MYO18A: variants seen among roughly 807,000 people sequenced by gnomAD.
MYO18A encodes the protein unconventional myosin-XVIIIa.
Under a neutral mutation model 235.8 loss-of-function variants are expected in MYO18A, and 78 were observed. The observed-to-expected ratio is 0.33, with a 90% CI of 0.28 to 0.40. The LOEUF is 0.40. Among genes scored for constraint, MYO18A ranks in the 10% least tolerant of loss-of-function variants. The pLI, the probability that MYO18A is intolerant of heterozygous loss-of-function variation, is 1.00. For synonymous variants in MYO18A, 977 were observed against 1,077.8 expected, an observed-to-expected ratio of 0.91 and a Z score of 1.83; for missense variants, 2,215 against 2,699.3, an observed-to-expected ratio of 0.82 and a Z score of 3.98.
At chr17:29,094,467 G>C in intron 30 of MYO18A, 183 bp downstream of exon 30, 1 of 654,694 alleles carries the variant, frequency 1.5e-6, no homozygotes, top group East Asian at 2.7e-5. Flanking sequence ...AAAGTTCCAC[G>C]AGCGCGTCTT....
chr17:29,077,148 T>C (rs142569890), intron 41 of MYO18A: 1,631 of 152,360 alleles, frequency 0.011, 11 homozygotes, highest in Admixed American at 0.017. Flanking sequence ...TGCCTTGGGC[T>C]GCGGACCCAC....
intron 2 of MYO18A, chr17:29,128,690 C>T (rs550025701): frequency 2.5e-5 from 7 of 276,792 alleles, no homozygotes; most frequent in Non-Finnish European, 2.1e-5. Flanking sequence ...CACGAGGCTA[C>T]CCCAGGAAGC....
At position 29,109,888 on chromosome 17, in the gene MYO18A, G is replaced by C. The variant is rs750183175; in HGVS notation, c.3301C>G (p.Leu1101Val). Residue 1101 changes from leucine to valine, a missense_variant, in exon 19 of 42, where the codon CTG (leucine) becomes GTG (valine). Leu to Val is a conservative substitution (Grantham distance 32). Coordinates refer to ENST00000527372, the MANE Select transcript of MYO18A (RefSeq NM_078471.4). The surrounding 1 kb of genome is among the most constrained non-coding windows in gnomAD (Gnocchi z 4.1). ...CGGTACATGCGCATGGCATCGAGCAGGCGGGAGCCGCGGAGCTGGGTGCGG... is the reference window on the plus strand; with the variant it reads ...CGGTACATGCGCATGGCATCGAGCACGCGGGAGCCGCGGAGCTGGGTGCGG... ...LLRTQLRGSR[L>V]LDAMRMYRQG... is the part of the protein sequence containing the mutation. 84 of 1,569,212 alleles carry C rather than the reference G, an allele frequency of 5.4e-5. No homozygotes were observed. Among genetic ancestry groups the C allele is most frequent in the Non-Finnish European group, 7.2e-5 (83 of 1,157,306 alleles).
intron 2 of MYO18A, among the ~76,000 whole-genome samples, chr17:29,139,641 C>T (rs932469945): frequency 3.9e-5 from 6 of 152,134 alleles, no homozygotes; most frequent in South Asian, 2.1e-4. Context: ...GTCAGGGGAA[C>T]GGGAAGGACT....
At chr17:29,090,737 G>A in intron 35 of MYO18A, 73 bp downstream of exon 35, 1 of 1,535,740 alleles carries the variant, frequency 6.5e-7, no homozygotes, top group Non-Finnish European at 9.0e-7. Flanking sequence ...AAGCGGTTGT[G>A]CGGGGGACCC....
chr17:29,092,719 A>C, intron 33 of MYO18A, 136 bp downstream of exon 33: 1 of 1,230,684 alleles, frequency 8.1e-7, no homozygotes, highest in Non-Finnish European at 1.1e-6. Context: ...TCTAGCTGCT[A>C]CACGTGGCTC....
intron 35 of MYO18A, 64 bp downstream of exon 35, chr17:29,090,746 C>A: frequency 6.5e-7 from 1 of 1,548,034 alleles, no homozygotes; most frequent in South Asian, 1.1e-5. Flanking sequence ...TGCGGGGGAC[C>A]CATGAGGAGG....
chr17:29,090,739 G>A (rs1343938062), intron 35 of MYO18A, 71 bp downstream of exon 35: 27 of 1,536,542 alleles, frequency 1.8e-5, no homozygotes, highest in African/African-American at 4.1e-5. Flanking sequence ...GCGGTTGTGC[G>A]GGGGACCCAT....
intron 23 of MYO18A, 77 bp from the exon 24 acceptor site, chr17:29,098,522 T>C: frequency 1.3e-6 from 2 of 1,513,984 alleles, no homozygotes; most frequent in Admixed American, 1.8e-5. Context: ...ACCCCTGTAG[T>C]GAACGAAGCT....
intron 2 of MYO18A, chr17:29,124,751 G>A: frequency 1.7e-5 from 21 of 1,205,050 alleles, no homozygotes; most frequent in East Asian, 6.1e-5. Context: ...CCACTGGCAC[G>A]CCCCCTTCAG....
chr17:29,098,328 A>C, intron 24 of MYO18A, 28 bp downstream of exon 24: 3 of 1,613,264 alleles, frequency 1.9e-6, no homozygotes, highest in Non-Finnish European at 2.5e-6. Context: ...AGCCATGCCC[A>C]GTCGGTGTGG....
At chr17:29,152,391 C>T (rs1046245538) in intron 2 of MYO18A, among the ~76,000 whole-genome samples, 9 of 152,188 alleles carry the variant, frequency 5.9e-5, no homozygotes, top group African/African-American at 2.2e-4. Flanking sequence ...AAGAATCTGA[C>T]TGGAGGGAGT....
intron 1 of MYO18A, among the ~76,000 whole-genome samples, chr17:29,175,983 C>T (rs1365467512): frequency 6.6e-6 from 1 of 151,992 alleles, no homozygotes; most frequent in Admixed American, 6.6e-5. Flanking sequence ...GCTTGAACCC[C>T]GGAGGCGGAG....
chr17:29,107,204 C>T lies in MYO18A; in HGVS notation c.3332-15G>A, dbSNP rs1190948163. The T allele has an allele frequency of 6.2e-7, 1 of 1,613,478 alleles. No individual in the cohort carries two copies. Among genetic ancestry groups the T allele is most frequent in the South Asian group, 1.1e-5 (1 of 91,064 alleles). On this transcript the variant is annotated splice_polypyrimidine_tract_variant and intron_variant, in intron 19 of 41. Coordinates refer to ENST00000527372, the MANE Select transcript of MYO18A (RefSeq NM_078471.4). ...GTCAGGGTAACCTAGAGAGAGCAGC[C>T]CAGAGCCAGGCCTGTCAACGCCACC...
At chr17:29,110,226 T>TA (rs1316424229) in intron 18 of MYO18A, 125 bp from the exon 19 acceptor site, 7 of 1,409,270 alleles carry the variant, frequency 5.0e-6, no homozygotes, top group Non-Finnish European at 6.7e-6. Context: ...CAGGACATGC[T>TA]AAACCTGGAC....
rs1378886265 is a variant in MYO18A at position 29,121,048 on chromosome 17, A to G, written c.1535T>C (p.Val512Ala). The G allele has an allele frequency of 6.2e-7, 1 of 1,613,100 alleles. No homozygotes were observed. Among genetic ancestry groups the G allele is most frequent in the Non-Finnish European group, 8.5e-7 (1 of 1,179,584 alleles). ...GCCCGCGATGGTGGCCAGGTACTGC[A>G]CCAGATGCTGGCAGCTGGTGGTCTT... ...SGKTTSCQHLVQYLATIAGIS... is the reference protein window; with the variant it reads ...SGKTTSCQHLAQYLATIAGIS... Residue 512 changes from valine to alanine, a missense_variant, in exon 6 of 42, where the codon GTG becomes GCG. Transcript: ENST00000527372. This position sits in a 1 kb window ranked among gnomAD's most constrained non-coding sequence, Gnocchi z 4.2.
chr17:29,104,393 A>T (rs1169755286), intron 20 of MYO18A, among the ~76,000 whole-genome samples: 5 of 152,204 alleles, frequency 3.3e-5, no homozygotes, highest in African/African-American at 1.2e-4. Flanking sequence ...ATCTAGGGCT[A>T]TACTGAGATT....
intron 2 of MYO18A, among the ~76,000 whole-genome samples, chr17:29,150,362 A>T (rs558630569): frequency 4.6e-5 from 7 of 152,244 alleles, no homozygotes; most frequent in Non-Finnish European, 1.0e-4. Flanking sequence ...TGTGTGTTAC[A>T]AAGCTGGGCA....
At chr17:29,124,718 G>A (rs1429487831) in intron 2 of MYO18A, 4 of 1,272,128 alleles carry the variant, frequency 3.1e-6, no homozygotes, top group Non-Finnish European at 4.1e-6. Flanking sequence ...GAGAGAGAGA[G>A]AAGAAGGGTG....
Sources: gnomAD v4.1 joint callset for allele counts (sites outside exome capture counted in the v4.1 genomes callset) on GRCh38, gnomAD v4.1.1 for gene constraint, Gnocchi (gnomAD v3.1) non-coding constraint, MANE v1.5 for transcripts, NCBI Gene and HGNC (gene_info 2026-07-23, HGNC 2026-07-21) for gene names.